Variants in CHN2 observed in about 807,000 individuals in gnomAD.
The protein encoded by CHN2 is chimerin 2, also known as beta-chimaerin.
A neutral mutation model predicts 56.3 loss-of-function variants in CHN2; 35 were observed. The observed-to-expected ratio is 0.62, with a 90% confidence interval of 0.47 to 0.82. CHN2 has a LOEUF of 0.82. Among genes scored for constraint, CHN2 ranks in the 40% least tolerant of loss-of-function variants. The pLI, the probability that CHN2 is intolerant of heterozygous loss-of-function variation, is 0.00. For synonymous variants in CHN2, 210 were observed against 212.8 expected (o/e 0.99, Z 0.12); for missense variants, 491 against 580.5 (o/e 0.85, Z 1.58).
At chr7:29,156,584 G>A (rs547569063) in intron 2 of CHN2, among the ~76,000 whole-genome samples, 3 of 152,254 alleles carry the variant, frequency 2.0e-5, no homozygotes, top group African/African-American at 7.2e-5. Context: ...AGGCATCCCC[G>A]ATAAAGGTCA....
chr7:29,159,854 G>A (rs1280237357), intron 2 of CHN2, among the ~76,000 whole-genome samples: 1 of 152,144 alleles, frequency 6.6e-6, no homozygotes, highest in African/African-American at 2.4e-5. Context: ...CTCAACTAGT[G>A]TAATGCAAGT....
chr7:29,200,812 G>A (rs1199576283), intron 1 of CHN2: 2 of 152,084 alleles, frequency 1.3e-5, no homozygotes, highest in Non-Finnish European at 2.9e-5. Context: ...GTCAGAGATG[G>A]GCCGGCCCTA....
intron 6 of CHN2, among the ~76,000 whole-genome samples, chr7:29,412,588 C>G (rs1031234147): frequency 5.9e-5 from 9 of 152,122 alleles, no homozygotes; most frequent in African/African-American, 2.2e-4. Context: ...CTTGGCTTCC[C>G]AAAGTGCTGG....
At chr7:29,495,541 A>G (rs1425019956) in intron 7 of CHN2, among the ~76,000 whole-genome samples, 2 of 152,178 alleles carry the variant, frequency 1.3e-5, no homozygotes, top group African/African-American at 4.8e-5. Flanking sequence ...ACCTGCCTGG[A>G]TAGTGTAGAG....
chr7:29,456,616 C>T (rs13221327), intron 6 of CHN2, among the ~76,000 whole-genome samples: 1 of 126,840 alleles, frequency 7.9e-6, no homozygotes, highest in South Asian at 2.8e-4. Context: ...CCCGCCCCCT[C>T]CCCCCCACCA....
chr7:29,282,724 C>G (rs1791820928), intron 1 of CHN2, among the ~76,000 whole-genome samples: 1 of 152,020 alleles, frequency 6.6e-6, no homozygotes, highest in African/African-American at 2.4e-5. Context: ...CAAATATAGG[C>G]TTTAAAAAAT....
intron 2 of CHN2, among the ~76,000 whole-genome samples, chr7:29,148,955 T>C (rs1402708973): frequency 1.3e-5 from 2 of 151,992 alleles, no homozygotes; most frequent in Non-Finnish European, 2.9e-5. Context: ...AAAAAATGAA[T>C]AGCCACTGAG....
At chr7:29,285,908 T>C (rs1336155964) in intron 1 of CHN2, among the ~76,000 whole-genome samples, 1 of 152,196 alleles carries the variant, frequency 6.6e-6, no homozygotes, top group Admixed American at 6.5e-5. Context: ...TTGATGACTA[T>C]TCCCAGTGTT....
At chr7:29,445,626 A>G (rs1783978817) in intron 6 of CHN2, among the ~76,000 whole-genome samples, 1 of 151,958 alleles carries the variant, frequency 6.6e-6, no homozygotes, top group African/African-American at 2.4e-5. Context: ...TGTTTAACCC[A>G]TTATTGTTTT....
At chr7:29,247,579 G>A (rs1788173405) in intron 1 of CHN2, among the ~76,000 whole-genome samples, 1 of 152,214 alleles carries the variant, frequency 6.6e-6, no homozygotes, top group African/African-American at 2.4e-5. Context: ...GAAGGGGCCA[G>A]AATTTATTTG....
intron 2 of CHN2, among the ~76,000 whole-genome samples, chr7:29,153,098 AT>A (rs1453002061): frequency 6.6e-6 from 1 of 152,214 alleles, no homozygotes; most frequent in Non-Finnish European, 1.5e-5. Flanking sequence ...AAGTCTCAGA[AT>A]TATAAACTCA....
At chr7:29,370,647 C>T (rs182807661) in intron 3 of CHN2, among the ~76,000 whole-genome samples, 174 of 152,200 alleles carry the variant, frequency 1.1e-3, no homozygotes, top group Non-Finnish European at 2.0e-3. Flanking sequence ...GGGCCATGGG[C>T]CTCTCCCAGA....
At chr7:29,232,665 TG>T (rs1295809061) in intron 1 of CHN2, among the ~76,000 whole-genome samples, 2 of 129,124 alleles carry the variant, frequency 1.5e-5, no homozygotes, top group African/African-American at 2.8e-5. Flanking sequence ...TTCACAGTGT[TG>T]GGGCTTGGTT....
intron 3 of CHN2, among the ~76,000 whole-genome samples, chr7:29,390,893 A>G (rs1442706259): frequency 2.0e-5 from 3 of 152,144 alleles, no homozygotes; most frequent in African/African-American, 7.2e-5. Context: ...ATCCAGTATT[A>G]TCCACCTTGA....
At chr7:29,479,252 C>T (rs1353055596) in intron 6 of CHN2, among the ~76,000 whole-genome samples, 1 of 152,082 alleles carries the variant, frequency 6.6e-6, no homozygotes, top group East Asian at 1.9e-4. Flanking sequence ...TGGGCACTAA[C>T]AGAATGAACA....
chr7:29,421,479 T>C (rs762170650), intron 6 of CHN2, among the ~76,000 whole-genome samples: 1 of 152,190 alleles, frequency 6.6e-6, no homozygotes, highest in Non-Finnish European at 1.5e-5. Flanking sequence ...CGACTGGGTT[T>C]CAAGTAGTCT....
chr7:29,450,481 A>G (rs1042273663), intron 6 of CHN2, among the ~76,000 whole-genome samples: 31 of 152,170 alleles, frequency 2.0e-4, no homozygotes, highest in African/African-American at 7.2e-4. Flanking sequence ...GTCCGGGGGA[A>G]GTGGAGCAGA....
At chr7:29,374,308 G>GA (rs1799853812) in intron 3 of CHN2, among the ~76,000 whole-genome samples, 1 of 152,026 alleles carries the variant, frequency 6.6e-6, no homozygotes, top group South Asian at 2.1e-4. Context: ...TAGTACAGGG[G>GA]AAAAATCTAG....
intron 6 of CHN2, among the ~76,000 whole-genome samples, chr7:29,455,260 G>A (rs117463899): frequency 6.6e-6 from 1 of 152,312 alleles, no homozygotes; most frequent in Non-Finnish European, 1.5e-5. Flanking sequence ...TTCCAAGATT[G>A]CCTCGTACAA....
Sources: allele counts gnomAD v4.1 joint callset (sites outside exome capture counted in the v4.1 genomes callset), GRCh38; gene constraint gnomAD v4.1.1; transcripts MANE v1.5; gene names NCBI Gene and HGNC (gene_info 2026-07-23, HGNC 2026-07-21).